BBS9: variants seen among roughly 807,000 people sequenced by gnomAD.
BBS9 encodes Bardet-Biedl syndrome 9.
BBS9 carries 89 observed loss-of-function variants against 117.7 expected under a neutral mutation model. That is an observed-to-expected ratio of 0.76 (90% CI 0.64 to 0.90). The LOEUF (loss-of-function observed/expected upper bound fraction) is 0.90. BBS9 is among the 40% of genes least tolerant of loss of function. BBS9 has a pLI of 0.00. For missense variants in BBS9, 982 were observed against 1,042.2 expected, an observed-to-expected ratio of 0.94 and a Z score of 0.80; for synonymous variants, 379 against 370.9, an observed-to-expected ratio of 1.02 and a Z score of -0.25.
chr7:33,459,387 A>G (rs1839121644), intron 19 of BBS9, among the ~76,000 whole-genome samples: 1 of 151,784 alleles, frequency 6.6e-6, no homozygotes, highest in South Asian at 2.1e-4. Flanking sequence ...ATTGGCATCT[A>G]GTAAGTAGAG....
At chr7:33,455,787 A>C (rs1838575363) in intron 19 of BBS9, among the ~76,000 whole-genome samples, 1 of 152,176 alleles carries the variant, frequency 6.6e-6, no homozygotes, top group Non-Finnish European at 1.5e-5. Context: ...TAATAAGAAA[A>C]ATCTGGGTTG....
chr7:33,289,198 T>C (rs1803512954), intron 9 of BBS9, among the ~76,000 whole-genome samples: 1 of 152,142 alleles, frequency 6.6e-6, no homozygotes, highest in Non-Finnish European at 1.5e-5. Flanking sequence ...AACCAGAAAG[T>C]GGAAGCCTAA....
At chr7:33,239,254 G>A (rs150660637) in intron 5 of BBS9, among the ~76,000 whole-genome samples, 6 of 152,128 alleles carry the variant, frequency 3.9e-5, no homozygotes, top group East Asian at 1.9e-4. Flanking sequence ...TACTACCTAC[G>A]ACTACGCTAA....
At chr7:33,254,538 A>G (rs1316267145) in intron 5 of BBS9, among the ~76,000 whole-genome samples, 1 of 152,182 alleles carries the variant, frequency 6.6e-6, no homozygotes, top group East Asian at 1.9e-4. Flanking sequence ...ACAAAGATCT[A>G]TTCTCTTAGC....
In BBS9 at chr7:33,184,602, C is replaced by G. The variant is rs1165889045; in HGVS notation, c.442+7011C>G. 2.0e-5 allele frequency among the ~76,000 whole-genome samples: 3 copies of G among 152,296 alleles called. 1 individual carries two copies. The Middle Eastern group carries it at 0.01, about 518-fold the overall frequency. On this transcript the variant is annotated intron_variant, in intron 5 of 22. Coordinates refer to ENST00000242067, the MANE Select transcript of BBS9 (RefSeq NM_198428.3). The stretch of plus-strand genomic sequence containing the variant: ...TGTCTTAGGAGAGACTTTAAATCTT[C>G]TAAGTTGGGCCTCTAATCCACCACT...
intron 5 of BBS9, among the ~76,000 whole-genome samples, chr7:33,241,360 CTG>C (rs1794501062): frequency 6.6e-6 from 1 of 152,142 alleles, no homozygotes; most frequent in South Asian, 2.1e-4. Context: ...GAGACATTCT[CTG>C]TGCTTCTGCA....
chr7:33,167,506 G>A (rs1298671659), intron 4 of BBS9, among the ~76,000 whole-genome samples: 3 of 151,014 alleles, frequency 2.0e-5, no homozygotes, highest in African/African-American at 4.9e-5. Context: ...GGGTTCAAGC[G>A]ACTCTCCTGC....
chr7:33,173,758 G>A (rs1310395237), intron 4 of BBS9, among the ~76,000 whole-genome samples: 3 of 152,126 alleles, frequency 2.0e-5, no homozygotes, highest in Non-Finnish European at 4.4e-5. Flanking sequence ...AGACTTTACT[G>A]CTTCTGGGGC....
chr7:33,152,969 G>T, intron 3 of BBS9, 118 bp downstream of exon 3: 1 of 1,173,206 alleles, frequency 8.5e-7, no homozygotes, highest in Non-Finnish European at 1.2e-6. Flanking sequence ...TCTGGATATT[G>T]TCACCTAGGG....
At chr7:33,136,366 G>T (rs1379594126) in intron 1 of BBS9, among the ~76,000 whole-genome samples, 1 of 151,816 alleles carries the variant, frequency 6.6e-6, no homozygotes, top group Non-Finnish European at 1.5e-5. Context: ...TTACCTAATT[G>T]CTATAGTTGA....
chr7:33,355,540 A>G (rs1003443261), intron 15 of BBS9, among the ~76,000 whole-genome samples: 6 of 151,296 alleles, frequency 4.0e-5, no homozygotes, highest in African/African-American at 1.2e-4. Context: ...TCATTTTATT[A>G]AGTATGAGTG....
chr7:33,133,599 T>C (rs1207808723), intron 1 of BBS9, among the ~76,000 whole-genome samples: 1 of 152,266 alleles, frequency 6.6e-6, no homozygotes, highest in Non-Finnish European at 1.5e-5. Flanking sequence ...ATGCTTTTAT[T>C]TATTTATGTT....
At chr7:33,417,512 T>C in intron 19 of BBS9, among the ~76,000 whole-genome samples, 1 of 152,202 alleles carries the variant, frequency 6.6e-6, no homozygotes, top group East Asian at 1.9e-4. Context: ...CATTGGCAAA[T>C]AATTTTCATC....
chr7:33,405,150 T>C (rs1584687303), intron 19 of BBS9, among the ~76,000 whole-genome samples: 1 of 152,360 alleles, frequency 6.6e-6, no homozygotes, highest in East Asian at 1.9e-4. Context: ...ACTACATTTA[T>C]TGATTTGCGT....
chr7:33,200,172 T>A (rs1455922143), intron 5 of BBS9, among the ~76,000 whole-genome samples: 2 of 152,162 alleles, frequency 1.3e-5, no homozygotes, highest in African/African-American at 4.8e-5. Context: ...ATCACTGTTT[T>A]CATTTCTGTT....
intron 9 of BBS9, among the ~76,000 whole-genome samples, chr7:33,298,817 A>G (rs1310108985): frequency 6.6e-6 from 1 of 152,216 alleles, no homozygotes; most frequent in Non-Finnish European, 1.5e-5. Context: ...CTGGAAGATC[A>G]AGGACTTGAA....
At chr7:33,406,143 T>A (rs1338385598) in intron 19 of BBS9, among the ~76,000 whole-genome samples, 2 of 152,194 alleles carry the variant, frequency 1.3e-5, no homozygotes, top group African/African-American at 4.8e-5. Flanking sequence ...TCCATGTAGT[T>A]GAGTGGTTTT....
At chr7:33,394,186 A>G (rs892983005) in intron 19 of BBS9, among the ~76,000 whole-genome samples, 3 of 152,150 alleles carry the variant, frequency 2.0e-5, no homozygotes, top group Non-Finnish European at 2.9e-5. Flanking sequence ...GTTGTCCACC[A>G]CAGTTTCAGT....
intron 7 of BBS9, among the ~76,000 whole-genome samples, chr7:33,266,697 A>G (rs1326468352): frequency 1.3e-5 from 2 of 151,768 alleles, no homozygotes; most frequent in African/African-American, 2.4e-5. Context: ...GTAATTGTGG[A>G]TTTTTTTGTA....
Sources: allele counts gnomAD v4.1 joint callset (sites outside exome capture counted in the v4.1 genomes callset), GRCh38; gene constraint gnomAD v4.1.1; transcripts MANE v1.5; gene names NCBI Gene and HGNC (gene_info 2026-07-23, HGNC 2026-07-21).